ANGPT1: variants seen among roughly 807,000 people sequenced by gnomAD.
ANGPT1 encodes angiopoietin-1.
ANGPT1 carries 17 observed loss-of-function variants against 62.2 expected under a neutral mutation model. The observed-to-expected ratio is 0.27, with a 90% CI of 0.19 to 0.41. The LOEUF (loss-of-function observed/expected upper bound fraction) is 0.41, where lower values mean the gene tolerates loss of function less well. ANGPT1 is among the 10% of genes least tolerant of loss of function. The pLI is 1.00. For synonymous variants in ANGPT1, 199 were observed against 198.9 expected (o/e 1.00, Z 0.00); for missense variants, 478 against 594.9 (o/e 0.80, Z 2.04).
intron 2 of ANGPT1, among the ~76,000 whole-genome samples, chr8:107,345,337 G>A (rs1017317783): frequency 7.2e-5 from 11 of 152,068 alleles, no homozygotes; most frequent in African/African-American, 2.7e-4. Flanking sequence ...CTGGCCTTAA[G>A]GATGCAGAAC....
chr8:107,492,206 G>A (rs932036238), intron 1 of ANGPT1, among the ~76,000 whole-genome samples: 1 of 152,094 alleles, frequency 6.6e-6, no homozygotes, highest in Non-Finnish European at 1.5e-5. Flanking sequence ...TCTACAACTC[G>A]ATTTAAAAGA....
chr8:107,492,556 C>T (rs764410607), intron 1 of ANGPT1, among the ~76,000 whole-genome samples: 20 of 152,244 alleles, frequency 1.3e-4, no homozygotes, highest in Non-Finnish European at 2.4e-4. Flanking sequence ...AGGCTGGTCT[C>T]GAACTCTTCA....
intron 1 of ANGPT1, among the ~76,000 whole-genome samples, chr8:107,448,003 C>T (rs553262758): frequency 4.6e-5 from 7 of 152,274 alleles, no homozygotes; most frequent in African/African-American, 1.4e-4. Context: ...TGGCTTACTT[C>T]GGGTCCTACA....
chr8:107,262,133 T>A (rs1386095586), intron 8 of ANGPT1, among the ~76,000 whole-genome samples: 2 of 152,056 alleles, frequency 1.3e-5, no homozygotes, highest in Non-Finnish European at 2.9e-5. Flanking sequence ...AGGCGGAGGT[T>A]ACAGTGAGCC....
chr8:107,334,728 G>C (rs1815520190), intron 3 of ANGPT1, among the ~76,000 whole-genome samples: 1 of 152,164 alleles, frequency 6.6e-6, no homozygotes, highest in South Asian at 2.1e-4. Context: ...CCATAAAGGG[G>C]TGACCCTAGA....
chr8:107,306,145 C>T (rs1814710215), intron 4 of ANGPT1, among the ~76,000 whole-genome samples: 1 of 152,034 alleles, frequency 6.6e-6, no homozygotes, highest in Non-Finnish European at 1.5e-5. Context: ...CAATATTATC[C>T]TGTTACTCCT....
intron 8 of ANGPT1, among the ~76,000 whole-genome samples, chr8:107,252,274 ACTT>A (rs748064150): frequency 3.9e-5 from 6 of 152,162 alleles, no homozygotes; most frequent in East Asian, 1.9e-4. Flanking sequence ...ACTGGAACTC[ACTT>A]CTTCTTGTAA....
intron 2 of ANGPT1, among the ~76,000 whole-genome samples, chr8:107,345,990 C>G (rs1396568941): frequency 6.6e-6 from 1 of 152,140 alleles, no homozygotes; most frequent in Non-Finnish European, 1.5e-5. Flanking sequence ...TGTGAGAAAT[C>G]ACTCAAGCTA....
intron 1 of ANGPT1, among the ~76,000 whole-genome samples, chr8:107,411,897 T>C (rs1207780067): frequency 6.6e-6 from 1 of 152,190 alleles, no homozygotes; most frequent in African/African-American, 2.4e-5. Context: ...TTTCTGTGGT[T>C]GTATGGTGGA....
intron 1 of ANGPT1, among the ~76,000 whole-genome samples, chr8:107,496,163 A>G (rs1318072694): frequency 6.6e-6 from 1 of 152,200 alleles, no homozygotes; most frequent in Non-Finnish European, 1.5e-5. Flanking sequence ...CTGATTGCAT[A>G]CCTATCTACA....
At chr8:107,283,054 A>G (rs1168601511) in intron 7 of ANGPT1, among the ~76,000 whole-genome samples, 1 of 151,984 alleles carries the variant, frequency 6.6e-6, no homozygotes, top group Non-Finnish European at 1.5e-5. Flanking sequence ...ACTGAGAGAC[A>G]TTTTGGAAAG....
At chr8:107,303,744 A>G (rs944952140) in intron 4 of ANGPT1, among the ~76,000 whole-genome samples, 1 of 151,850 alleles carries the variant, frequency 6.6e-6, no homozygotes, top group Non-Finnish European at 1.5e-5. Context: ...TCTTACCTAC[A>G]TTTCACAGGA....
chr8:107,278,740 G>C (rs2130106912), intron 7 of ANGPT1, among the ~76,000 whole-genome samples: 1 of 152,258 alleles, frequency 6.6e-6, no homozygotes, highest in Non-Finnish European at 1.5e-5. Flanking sequence ...CCTGATGCTG[G>C]CAACAGCTCC....
intron 3 of ANGPT1, among the ~76,000 whole-genome samples, chr8:107,333,992 G>GGAAGGAAGGAAGGAA (rs1563573969): frequency 2.2e-4 from 6 of 27,174 alleles, no homozygotes; most frequent in Admixed American, 1.1e-3. Context: ...GAGGGAGGGA[G>GGAAGGAAGGAAGGAA]GGAGGGAAGG....
At chr8:107,409,404 T>C (rs1817214172) in intron 1 of ANGPT1, among the ~76,000 whole-genome samples, 1 of 152,182 alleles carries the variant, frequency 6.6e-6, no homozygotes. Flanking sequence ...GGTTCACCAA[T>C]GGGACTCAGG....
intron 1 of ANGPT1, among the ~76,000 whole-genome samples, chr8:107,371,300 T>C (rs1816405757): frequency 6.6e-6 from 1 of 152,232 alleles, no homozygotes; most frequent in African/African-American, 2.4e-5. Flanking sequence ...TCATTGAGAC[T>C]ACTAATCCCA....
chr8:107,292,979 T>TC lies in ANGPT1; in HGVS notation c.1038+956dup, dbSNP rs1217734227. Among the ~76,000 whole-genome samples the TC allele has an allele frequency of 2.0e-5, 3 of 152,294 alleles. No homozygotes were observed. In the South Asian group the frequency reaches 6.2e-4, roughly 32 times the overall value. ...AATGAGAATCCATAAATATAGATTC[T>TC]CCTGCATTACTATGCCTTTACATTC... On this transcript the variant is annotated intron_variant, in intron 6 of 8. Transcript: ENST00000517746.
chr8:107,323,722 A>C (rs966160380), intron 3 of ANGPT1, among the ~76,000 whole-genome samples: 2 of 152,124 alleles, frequency 1.3e-5, no homozygotes, highest in African/African-American at 4.8e-5. Flanking sequence ...CATTTATGAC[A>C]TGGTTGCTAT....
Position 107,416,768 on chromosome 8 carries a change from T to C in ANGPT1, c.298-69671A>G, listed in dbSNP as rs554380369. 1.2e-4 allele frequency among the ~76,000 whole-genome samples: 18 copies of C among 151,970 alleles called. No individual in the cohort carries two copies. In the East Asian group the frequency reaches 3.1e-3, roughly 26 times the overall value. ...AGAACACCTTCTGAAATAGGGGTCT[T>C]ATGACCTACAGACAAGGTGGGTCAG... On this transcript the variant is annotated intron_variant, in intron 1 of 8. Coordinates refer to ENST00000517746, the MANE Select transcript of ANGPT1 (RefSeq NM_001146.5).
Sources: allele counts gnomAD v4.1 joint callset (sites outside exome capture counted in the v4.1 genomes callset), GRCh38; gene constraint gnomAD v4.1.1; transcripts MANE v1.5; gene names NCBI Gene and HGNC (gene_info 2026-07-23, HGNC 2026-07-21).